Variants in KIF16B observed in about 807,000 individuals in gnomAD.
KIF16B encodes kinesin family member 16B, also known as kinesin-like protein KIF16B.
Under a neutral mutation model 156.3 loss-of-function variants are expected in KIF16B, and 98 were observed. The ratio of observed to expected loss-of-function variants is 0.63; its 90% CI spans 0.53 to 0.74. The LOEUF (loss-of-function observed/expected upper bound fraction) is 0.74. KIF16B is among the 30% of genes least tolerant of loss of function. KIF16B has a pLI of 0.00. For missense variants in KIF16B, 1,421 were observed against 1,606.5 expected, an observed-to-expected ratio of 0.88 and a Z score of 1.97; for synonymous variants, 564 against 583.7, an observed-to-expected ratio of 0.97 and a Z score of 0.49.
chr20:16,454,672 G>C (rs1052143706), intron 12 of KIF16B, among the ~76,000 whole-genome samples: 1 of 151,664 alleles, frequency 6.6e-6, no homozygotes, highest in Non-Finnish European at 1.5e-5. Context: ...TGTTATTAAG[G>C]AAGATTTGTC....
At chr20:16,404,971 C>T (rs1302885416) in intron 16 of KIF16B, 70 bp from the exon 17 acceptor site, 5 of 1,063,484 alleles carry the variant, frequency 4.7e-6, no homozygotes, top group African/African-American at 3.1e-5. Context: ...GGACTCATTG[C>T]TTCCAACATG....
intron 13 of KIF16B, among the ~76,000 whole-genome samples, 153 bp downstream of exon 13, chr20:16,429,710 T>G (rs16997615): frequency 0.022 from 3,308 of 152,294 alleles, 127 homozygotes; most frequent in African/African-American, 0.074. Flanking sequence ...CCAATGAGCT[T>G]CTGAAAATTC....
At chr20:16,339,327 C>T (rs1216444417) in intron 23 of KIF16B, among the ~76,000 whole-genome samples, 1 of 152,212 alleles carries the variant, frequency 6.6e-6, no homozygotes, top group Admixed American at 6.5e-5. Flanking sequence ...TTTATTTCAG[C>T]TTCCACTGCT....
intron 11 of KIF16B, among the ~76,000 whole-genome samples, chr20:16,495,198 G>C (rs2068415732): frequency 6.6e-6 from 1 of 152,108 alleles, no homozygotes; most frequent in African/African-American, 2.4e-5. Flanking sequence ...TTTCCTTTCA[G>C]CACCTTTATC....
intron 22 of KIF16B, among the ~76,000 whole-genome samples, chr20:16,370,236 CTA>C (rs2064783703): frequency 6.6e-6 from 1 of 152,154 alleles, no homozygotes; most frequent in Non-Finnish European, 1.5e-5. Flanking sequence ...AACTCACAGT[CTA>C]TAAAATGGAC....
At chr20:16,573,204 G>A (rs2071520764) in intron 1 of KIF16B, 25 bp downstream of exon 1, 3 of 1,565,232 alleles carry the variant, frequency 1.9e-6, no homozygotes, top group Non-Finnish European at 1.7e-6. Flanking sequence ...CGACGAGGGG[G>A]CGGGGCGCGG....
At chr20:16,524,579 G>C (rs2069470147) in intron 3 of KIF16B, among the ~76,000 whole-genome samples, 1 of 152,174 alleles carries the variant, frequency 6.6e-6, no homozygotes, top group South Asian at 2.1e-4. Context: ...CTGTTAGTGG[G>C]AGTGTAAATT....
chr20:16,544,336 ACTGTGGCTCACGC>A (rs2070317780), intron 1 of KIF16B, among the ~76,000 whole-genome samples: 1 of 152,138 alleles, frequency 6.6e-6, no homozygotes, highest in African/African-American at 2.4e-5. Flanking sequence ...TCAGCCGGGC[ACTGTGGCTCACGC>A]CTGTAATCCC....
chr20:16,326,351 A>G (rs2122846176), intron 24 of KIF16B, among the ~76,000 whole-genome samples: 1 of 152,216 alleles, frequency 6.6e-6, no homozygotes, highest in South Asian at 2.1e-4. Flanking sequence ...AATAATCAGC[A>G]GAATAAACAG....
At chr20:16,413,472 C>A (rs761768059) in intron 15 of KIF16B, among the ~76,000 whole-genome samples, 1 of 152,080 alleles carries the variant, frequency 6.6e-6, no homozygotes, top group Non-Finnish European at 1.5e-5. Flanking sequence ...TCTGCTACTG[C>A]ACAAATAAAA....
chr20:16,331,674 T>C (rs1423998231), intron 24 of KIF16B, among the ~76,000 whole-genome samples: 2 of 152,178 alleles, frequency 1.3e-5, no homozygotes, highest in Non-Finnish European at 2.9e-5. Context: ...AGGAGCGAAG[T>C]AAATAAAATA....
chr20:16,279,212 C>G (rs531197305), intron 25 of KIF16B, among the ~76,000 whole-genome samples: 1 of 152,268 alleles, frequency 6.6e-6, no homozygotes, highest in East Asian at 1.9e-4. Flanking sequence ...AGGCATAGGA[C>G]AGATAAGCTT....
intron 12 of KIF16B, among the ~76,000 whole-genome samples, chr20:16,435,351 C>T (rs1336550958): frequency 6.6e-6 from 1 of 152,188 alleles, no homozygotes; most frequent in Non-Finnish European, 1.5e-5. Flanking sequence ...CATGGCTCCA[C>T]TCTTTTCAAA....
At chr20:16,304,983 A>G (rs2063521481) in intron 25 of KIF16B, among the ~76,000 whole-genome samples, 1 of 152,136 alleles carries the variant, frequency 6.6e-6, no homozygotes, top group African/African-American at 2.4e-5. Context: ...GGTGGTGGTG[A>G]TATATCAATA....
chr20:16,505,890 T>C (rs1285854421), intron 8 of KIF16B, 37 bp from the exon 9 acceptor site: 3 of 1,607,918 alleles, frequency 1.9e-6, no homozygotes, highest in Middle Eastern at 1.7e-4. Flanking sequence ...GAAAGGACAA[T>C]TAGTAAAATT....
intron 25 of KIF16B, among the ~76,000 whole-genome samples, chr20:16,292,052 C>A (rs2063321923): frequency 6.6e-6 from 1 of 152,092 alleles, no homozygotes; most frequent in African/African-American, 2.4e-5. Flanking sequence ...CAAATGATTT[C>A]TTGATTCCAA....
chr20:16,479,039 C>T (rs2067900857), intron 12 of KIF16B, among the ~76,000 whole-genome samples: 2 of 152,266 alleles, frequency 1.3e-5, no homozygotes, highest in Admixed American at 1.3e-4. Flanking sequence ...CAGCCCAAAA[C>T]AGAAAACGAG....
chr20:16,356,184 G>A (rs2064437427), intron 23 of KIF16B, 146 bp downstream of exon 23: 2 of 945,332 alleles, frequency 2.1e-6, no homozygotes, highest in Non-Finnish European at 3.2e-6. Context: ...GAGTTTTACA[G>A]ACTGGTTTAA....
intron 1 of KIF16B, among the ~76,000 whole-genome samples, chr20:16,537,704 G>GTTTTTTTTT (rs1171475559): frequency 9.8e-6 from 1 of 101,540 alleles, no homozygotes; most frequent in African/African-American, 3.8e-5. Context: ...TCTTTTTTTC[G>GTTTTTTTTT]TTTTTTTTTT....
Sources: gnomAD v4.1 joint callset for allele counts (sites outside exome capture counted in the v4.1 genomes callset) on GRCh38, gnomAD v4.1.1 for gene constraint, MANE v1.5 for transcripts, NCBI Gene and HGNC (gene_info 2026-07-23, HGNC 2026-07-21) for gene names.